Variants in TMEM26 observed in about 807,000 individuals in gnomAD.
TMEM26 encodes transmembrane protein 26.
In TMEM26, 38 loss-of-function variants were observed where a neutral mutation model predicts 28.8. The observed-to-expected ratio is 1.32, with a 90% CI of 1.02 to 1.73. The LOEUF is 1.73. TMEM26 is among the 40% of genes most tolerant of loss of function. The pLI is 0.00. For missense variants in TMEM26, 518 were observed against 447.1 expected (o/e 1.16, Z -1.43); for synonymous variants, 227 against 182.9 (o/e 1.24, Z -1.95).
chr10:61,430,058 T>A (rs1019623923), intron 3 of TMEM26, among the ~76,000 whole-genome samples: 1 of 152,100 alleles, frequency 6.6e-6, no homozygotes, highest in African/African-American at 2.4e-5. Flanking sequence ...GAATATTCCA[T>A]CTGTACGCTT....
At chr10:61,422,698 G>A (rs562710532) in intron 4 of TMEM26, among the ~76,000 whole-genome samples, 9 of 152,030 alleles carry the variant, frequency 5.9e-5, no homozygotes, top group South Asian at 4.2e-4. Context: ...TAGAGGAGAC[G>A]AAAGGTCTCA....
intron 4 of TMEM26, among the ~76,000 whole-genome samples, chr10:61,418,206 CTT>C (rs1839685892): frequency 6.6e-6 from 1 of 152,002 alleles, no homozygotes; most frequent in Non-Finnish European, 1.5e-5. Context: ...ACTAGGAAAA[CTT>C]TTCCTACTGG....
At chr10:61,448,818 G>T (rs923159712) in intron 1 of TMEM26, among the ~76,000 whole-genome samples, 1 of 152,106 alleles carries the variant, frequency 6.6e-6, no homozygotes, top group Admixed American at 6.5e-5. Flanking sequence ...TTTATCTGGG[G>T]AAGAAAACTC....
chr10:61,426,435 G>A (rs1915437), intron 4 of TMEM26, among the ~76,000 whole-genome samples: 31,350 of 151,906 alleles, frequency 0.21, 3,534 homozygotes, highest in Middle Eastern at 0.31. Flanking sequence ...TCACAAATCT[G>A]TTAAGAAAAA....
At chr10:61,438,807 C>T (rs893520833) in intron 1 of TMEM26, among the ~76,000 whole-genome samples, 1 of 152,164 alleles carries the variant, frequency 6.6e-6, no homozygotes, top group African/African-American at 2.4e-5. Context: ...TCCCTTACCA[C>T]ATCCTGTCAA....
In TMEM26 at chr10:61,408,950, G is replaced by A. The variant is rs1589021845; in HGVS notation, c.*1372C>T. 6.6e-6 allele frequency: 1 copy of A among 152,064 alleles called. No individual in the cohort carries two copies. Among genetic ancestry groups the A allele is most frequent in the Non-Finnish European group, 1.5e-5 (1 of 68,018 alleles). 9.4% of individuals were successfully genotyped at this position (152,064 alleles called of 1,614,324 possible). ...GTTACAGATAAAATTGTCCCAACTG[G>A]TTGTCAATAAGTCATACCAAATTAA... On this transcript the variant is annotated 3_prime_UTR_variant, in exon 6 of 6. Coordinates refer to ENST00000399298, the MANE Select transcript of TMEM26 (RefSeq NM_178505.8).
At chr10:61,447,209 T>G (rs372633621) in intron 1 of TMEM26, among the ~76,000 whole-genome samples, 43 of 152,096 alleles carry the variant, frequency 2.8e-4, no homozygotes, top group Admixed American at 1.7e-3. Flanking sequence ...AACATTGGGG[T>G]GGGGAGTGGA....
In TMEM26 at chr10:61,407,075, C is replaced by T. The variant is rs946602387; in HGVS notation, c.*3247G>A. On this transcript the variant is annotated 3_prime_UTR_variant, in exon 6 of 6. Coordinates refer to ENST00000399298, the MANE Select transcript of TMEM26 (RefSeq NM_178505.8). ...CCTCTTTCTTAGCATTGGAGGAGGG[C>T]TAAAGTGGACAGATGCCTGGCATTT... The T allele has an allele frequency of 3.3e-5, 5 of 151,960 alleles. No homozygotes were observed. The highest frequency in any genetic ancestry group is 1.2e-4 in the African/African-American group (5 of 41,376). The allele number at this position is 151,960 out of a possible 1,614,324, so 9.4% of individuals were successfully genotyped here.
intron 4 of TMEM26, among the ~76,000 whole-genome samples, chr10:61,428,104 G>A (rs1839861114): frequency 6.6e-6 from 1 of 152,046 alleles, no homozygotes; most frequent in Non-Finnish European, 1.5e-5. Flanking sequence ...GTATTTCGTT[G>A]AGCTTTATGT....
intron 2 of TMEM26, among the ~76,000 whole-genome samples, chr10:61,434,886 A>G (rs1443784780): frequency 1.3e-5 from 2 of 152,222 alleles, no homozygotes; most frequent in Non-Finnish European, 2.9e-5. Context: ...ACCAACTATA[A>G]CAAAGAAATC....
chr10:61,420,023 A>C (rs1204521457), intron 4 of TMEM26, among the ~76,000 whole-genome samples: 1 of 152,170 alleles, frequency 6.6e-6, no homozygotes, highest in Non-Finnish European at 1.5e-5. Context: ...CCCCACACAC[A>C]GTTGAAAATC....
chr10:61,420,935 C>T (rs989510058), intron 4 of TMEM26, among the ~76,000 whole-genome samples: 8 of 151,436 alleles, frequency 5.3e-5, no homozygotes, highest in Admixed American at 4.0e-4. Context: ...TTTTTAAAAC[C>T]TTAAAAGATT....
At chr10:61,418,652 G>A (rs948966202) in intron 4 of TMEM26, among the ~76,000 whole-genome samples, 5 of 152,052 alleles carry the variant, frequency 3.3e-5, no homozygotes, top group Admixed American at 2.6e-4. Context: ...CACACTCAGC[G>A]GTGTGGTCAA....
intron 4 of TMEM26, chr10:61,415,250 A>G (rs1018287139): frequency 3.2e-6 from 2 of 628,000 alleles, no homozygotes; most frequent in Non-Finnish European, 4.0e-6. Flanking sequence ...TTATCTAATT[A>G]TGAGTCCACA....
chr10:61,433,371 G>A lies in TMEM26; in HGVS notation c.271-2039C>T, dbSNP rs181908173. Among the ~76,000 whole-genome samples, 14 of 152,168 alleles carry A rather than the reference G, an allele frequency of 9.2e-5. No individual in the cohort carries two copies. In the East Asian group the frequency reaches 9.7e-4, roughly 10 times the overall value. ...GATTATATTGTTTACATTCTGCCTC[G>A]TATAGGTGAGTTCACATAGATTATC... On this transcript the variant is annotated intron_variant, in intron 2 of 5. Transcript: ENST00000399298.
intron 2 of TMEM26, among the ~76,000 whole-genome samples, chr10:61,435,569 T>A (rs1379374446): frequency 6.6e-6 from 1 of 152,236 alleles, no homozygotes; most frequent in Non-Finnish European, 1.5e-5. Context: ...TCCTCCCCTT[T>A]AATCTTAGTT....
At chr10:61,433,023 T>C in intron 2 of TMEM26, among the ~76,000 whole-genome samples, 1 of 152,188 alleles carries the variant, frequency 6.6e-6, no homozygotes, top group South Asian at 2.1e-4. Flanking sequence ...GAAATATATT[T>C]TGACCACTTT....
At chr10:61,419,124 T>C (rs547114653) in intron 4 of TMEM26, among the ~76,000 whole-genome samples, 4 of 152,194 alleles carry the variant, frequency 2.6e-5, no homozygotes, top group South Asian at 2.1e-4. Context: ...GAGAGATACA[T>C]TCCTCCAATT....
intron 1 of TMEM26, among the ~76,000 whole-genome samples, chr10:61,441,513 G>A (rs953295250): frequency 6.6e-6 from 1 of 152,102 alleles, no homozygotes; most frequent in Admixed American, 6.6e-5. Context: ...AATAAACCAG[G>A]TTTTATTTTA....
Sources: allele counts gnomAD v4.1 joint callset (sites outside exome capture counted in the v4.1 genomes callset), GRCh38; gene constraint gnomAD v4.1.1; transcripts MANE v1.5; gene names NCBI Gene and HGNC (gene_info 2026-07-23, HGNC 2026-07-21).